KHDRBS2: variants seen among roughly 807,000 people sequenced by gnomAD.
KHDRBS2 encodes KH RNA binding domain containing, signal transduction associated 2, also known as KH domain-containing, RNA-binding, signal transduction-associated protein 2.
In KHDRBS2, 26 loss-of-function variants were observed where a neutral mutation model predicts 44.3. That is an observed-to-expected ratio of 0.59 (90% CI 0.43 to 0.81). The LOEUF (loss-of-function observed/expected upper bound fraction) is 0.81, where lower values mean the gene tolerates loss of function less well. Ranked by LOEUF, KHDRBS2 falls within the 40% of genes least tolerant of loss-of-function variation. The probability of loss-of-function intolerance (pLI) is 0.00; values close to 1 mark genes in which losing one functional copy is unlikely to be tolerated. For synonymous variants in KHDRBS2, 194 were observed against 151.1 expected, an observed-to-expected ratio of 1.28 and a Z score of -2.08; for missense variants, 476 against 433.1, an observed-to-expected ratio of 1.10 and a Z score of -0.88.
chr6:61,807,257 C>G (rs1409059303), intron 6 of KHDRBS2, among the ~76,000 whole-genome samples: 2 of 152,042 alleles, frequency 1.3e-5, no homozygotes, highest in Non-Finnish European at 2.9e-5. Context: ...TCGTGGAAAG[C>G]AGTGTGGAAA....
At chr6:61,730,728 G>A (rs1774313384) in intron 7 of KHDRBS2, among the ~76,000 whole-genome samples, 1 of 151,948 alleles carries the variant, frequency 6.6e-6, no homozygotes, top group Non-Finnish European at 1.5e-5. Context: ...GACAGGGAAG[G>A]CAGCAGAAGT....
intron 6 of KHDRBS2, among the ~76,000 whole-genome samples, chr6:61,785,977 C>T (rs1193544163): frequency 6.6e-6 from 1 of 151,786 alleles, no homozygotes; most frequent in African/African-American, 2.4e-5. Context: ...ATATCCTTGG[C>T]TAATATCAAA....
intron 2 of KHDRBS2, among the ~76,000 whole-genome samples, chr6:62,098,023 C>T (rs954332900): frequency 4.6e-5 from 7 of 152,060 alleles, no homozygotes; most frequent in Admixed American, 2.0e-4. Flanking sequence ...AAAAAGTCTA[C>T]ACTATAATTC....
chr6:61,782,177 AT>A (rs2127581765), intron 6 of KHDRBS2, among the ~76,000 whole-genome samples: 1 of 151,982 alleles, frequency 6.6e-6, no homozygotes, highest in African/African-American at 2.4e-5. Flanking sequence ...AATTTCCTTT[AT>A]TTGTTTTTCT....
chr6:62,101,887 C>T (rs1480219562), intron 2 of KHDRBS2, among the ~76,000 whole-genome samples: 3 of 152,142 alleles, frequency 2.0e-5, no homozygotes, highest in African/African-American at 7.2e-5. Flanking sequence ...TTCAAAGAAA[C>T]AATTATATTA....
At chr6:61,752,745 A>T (rs1777902428) in intron 6 of KHDRBS2, among the ~76,000 whole-genome samples, 1 of 151,368 alleles carries the variant, frequency 6.6e-6, no homozygotes, top group Non-Finnish European at 1.5e-5. Flanking sequence ...GTGGTTTAAG[A>T]TGAAGACAGA....
At chr6:62,221,395 A>T (rs1036468941) in intron 1 of KHDRBS2, among the ~76,000 whole-genome samples, 2 of 152,088 alleles carry the variant, frequency 1.3e-5, no homozygotes, top group African/African-American at 4.8e-5. Context: ...GTACCACATT[A>T]GGACTATAGT....
At chr6:61,559,800 G>T in the KHDRBS2 span, among the ~76,000 whole-genome samples, 34 of 152,038 alleles carry the variant, frequency 2.2e-4, no homozygotes, top group East Asian at 6.4e-3. Flanking sequence ...TTATTTTTTT[G>T]ATTGGTTCAT....
chr6:61,720,328 T>C (rs1397911972), intron 7 of KHDRBS2, among the ~76,000 whole-genome samples: 2 of 152,258 alleles, frequency 1.3e-5, no homozygotes, highest in South Asian at 2.1e-4. Context: ...GTATTTCTAG[T>C]TCTAGATCCC....
the KHDRBS2 span, among the ~76,000 whole-genome samples, chr6:61,545,501 C>CTGTGTGTG: frequency 7.2e-3 from 1,071 of 148,432 alleles, 15 homozygotes; most frequent in South Asian, 0.029. Flanking sequence ...TAGCTAATCT[C>CTGTGTGTG]TGTGTGTGTG....
intron 1 of KHDRBS2, among the ~76,000 whole-genome samples, chr6:62,241,131 C>T (rs1834595753): frequency 6.6e-6 from 1 of 151,822 alleles, no homozygotes; most frequent in South Asian, 2.1e-4. Context: ...CTGTGCAAAC[C>T]CATCGCTAGG....
chr6:61,659,463 G>A, the KHDRBS2 span, among the ~76,000 whole-genome samples: 1 of 151,750 alleles, frequency 6.6e-6, no homozygotes, highest in African/African-American at 2.4e-5. Flanking sequence ...ACATTCATGG[G>A]GTTCAAATGT....
At chr6:61,830,069 A>G (rs1791548874) in intron 6 of KHDRBS2, among the ~76,000 whole-genome samples, 1 of 152,220 alleles carries the variant, frequency 6.6e-6, no homozygotes, top group African/African-American at 2.4e-5. Context: ...CATGCTGAAT[A>G]TAGATGATAG....
At chr6:62,018,620 C>T (rs1781693528) in intron 3 of KHDRBS2, among the ~76,000 whole-genome samples, 1 of 152,140 alleles carries the variant, frequency 6.6e-6, no homozygotes, top group Admixed American at 6.6e-5. Flanking sequence ...GCTGGGATTA[C>T]AGGCGTGAGC....
At chr6:61,954,711 CACATGCATACTTATGTAT>C (rs1225691709) in intron 4 of KHDRBS2, among the ~76,000 whole-genome samples, 89 of 117,068 alleles carry the variant, frequency 7.6e-4, no homozygotes, top group Non-Finnish European at 1.1e-3. Flanking sequence ...TGTGTATATA[CACATGCATACTTATGTAT>C]ACATACATAT....
chr6:61,639,879 G>T, the KHDRBS2 span, among the ~76,000 whole-genome samples: 1 of 151,976 alleles, frequency 6.6e-6, no homozygotes, highest in African/African-American at 2.4e-5. Flanking sequence ...ATAAATAAAT[G>T]TCCAGAAAAA....
chr6:61,831,773 T>G (rs1791858571), intron 6 of KHDRBS2, among the ~76,000 whole-genome samples: 1 of 152,144 alleles, frequency 6.6e-6, no homozygotes. Context: ...GAAAATGAAA[T>G]TATCTATTCA....
At chr6:61,864,080 T>A (rs1465055257) in intron 6 of KHDRBS2, among the ~76,000 whole-genome samples, 1 of 152,190 alleles carries the variant, frequency 6.6e-6, no homozygotes, top group Non-Finnish European at 1.5e-5. Context: ...TGATTTAAAC[T>A]TTGTTTTATC....
intron 1 of KHDRBS2, among the ~76,000 whole-genome samples, chr6:62,210,330 T>C (rs1217527305): frequency 6.9e-6 from 1 of 145,222 alleles, no homozygotes; most frequent in African/African-American, 2.6e-5. Flanking sequence ...TAGCATTCTT[T>C]TTTTTTTTTT....
Sources: gnomAD v4.1 joint callset for allele counts (sites outside exome capture counted in the v4.1 genomes callset) on GRCh38, gnomAD v4.1.1 for gene constraint, MANE v1.5 for transcripts, NCBI Gene and HGNC (gene_info 2026-07-23, HGNC 2026-07-21) for gene names.